The following PABPC4L variants were observed in gnomAD, a reference collection of about 807,000 sequenced individuals.
PABPC4L encodes polyadenylate-binding protein 4-like.
For synonymous variants in PABPC4L, 169 were observed against 164.1 expected, an observed-to-expected ratio of 1.03 and a Z score of -0.23; for missense variants, 452 against 451.4, an observed-to-expected ratio of 1.00 and a Z score of -0.01.
the PABPC4L span, among the ~76,000 whole-genome samples, chr4:134,012,975 G>C: frequency 6.6e-6 from 1 of 151,984 alleles, no homozygotes; most frequent in Non-Finnish European, 1.5e-5. Flanking sequence ...GCCTTCTCTT[G>C]GTGTTTAATC....
chr4:134,035,772 T>C, the PABPC4L span, among the ~76,000 whole-genome samples: 1 of 152,032 alleles, frequency 6.6e-6, no homozygotes, highest in South Asian at 2.1e-4. Flanking sequence ...TATTCCTATA[T>C]GATGGTTGAA....
At chr4:134,128,607 G>C in the PABPC4L span, among the ~76,000 whole-genome samples, 3 of 152,110 alleles carry the variant, frequency 2.0e-5, no homozygotes, top group Non-Finnish European at 4.4e-5. Context: ...AAAAAATGCT[G>C]AGGGAATTCA....
the PABPC4L span, among the ~76,000 whole-genome samples, chr4:133,983,918 T>G: frequency 2.6e-5 from 4 of 151,866 alleles, no homozygotes; most frequent in Non-Finnish European, 5.9e-5. Context: ...TCTTGAAATA[T>G]TGACTAATCA....
the PABPC4L span, among the ~76,000 whole-genome samples, chr4:133,991,022 A>G: frequency 6.6e-6 from 1 of 152,026 alleles, no homozygotes; most frequent in Non-Finnish European, 1.5e-5. Flanking sequence ...TTTGTTTTGC[A>G]TCAGGTTTTG....
At chr4:134,045,896 G>A in the PABPC4L span, among the ~76,000 whole-genome samples, 1 of 152,108 alleles carries the variant, frequency 6.6e-6, no homozygotes, top group Admixed American at 6.5e-5. Flanking sequence ...ATGTGTATCA[G>A]AAACATTAAT....
chr4:134,002,876 T>A, the PABPC4L span, among the ~76,000 whole-genome samples: 1 of 151,972 alleles, frequency 6.6e-6, no homozygotes, highest in African/African-American at 2.4e-5. Flanking sequence ...ACATTGTATC[T>A]TCTTCTGGGT....
At chr4:134,179,240 A>G in the PABPC4L span, among the ~76,000 whole-genome samples, 31 of 152,170 alleles carry the variant, frequency 2.0e-4, no homozygotes, top group South Asian at 6.0e-3. Flanking sequence ...CTGGGGGCCA[A>G]TATTCAGCAT....
chr4:134,072,926 A>T, the PABPC4L span, among the ~76,000 whole-genome samples: 3 of 152,094 alleles, frequency 2.0e-5, no homozygotes, highest in East Asian at 5.8e-4. Context: ...CCCATGATTC[A>T]ATTACCTCCC....
chr4:134,199,318 C>G lies in PABPC4L; in HGVS notation c.*589G>C, dbSNP rs1393551306. ...AAAACTTCCATCATCTTAATTTAAA[C>G]CATCCGAAAAACAAGCATGTCAGGA... On this transcript the variant is annotated 3_prime_UTR_variant, in exon 2 of 2. Transcript: ENST00000421491. The G allele has an allele frequency of 6.6e-6, 1 of 152,088 alleles. No individual in the cohort carries two copies. Among genetic ancestry groups the G allele is most frequent in the Non-Finnish European group, 1.5e-5 (1 of 67,974 alleles). 9.4% of individuals were successfully genotyped at this position (152,088 alleles called of 1,614,324 possible).
chr4:133,986,630 A>G, the PABPC4L span, among the ~76,000 whole-genome samples: 12 of 152,294 alleles, frequency 7.9e-5, no homozygotes, highest in African/African-American at 2.6e-4. Context: ...GTCATAAATT[A>G]AAAACTTGAA....
At chr4:134,175,493 G>T in the PABPC4L span, among the ~76,000 whole-genome samples, 5 of 151,890 alleles carry the variant, frequency 3.3e-5, no homozygotes, top group African/African-American at 1.2e-4. Context: ...CTGTCGCCCA[G>T]GCTGAATTGC....
chr4:134,096,354 T>C, the PABPC4L span, among the ~76,000 whole-genome samples: 1 of 151,972 alleles, frequency 6.6e-6, no homozygotes, highest in South Asian at 2.1e-4. Context: ...TAGTAGAACT[T>C]TTGCTTTGAT....
At chr4:134,140,056 A>C in the PABPC4L span, among the ~76,000 whole-genome samples, 1 of 151,980 alleles carries the variant, frequency 6.6e-6, no homozygotes, top group Non-Finnish European at 1.5e-5. Flanking sequence ...TCTGTAAGCT[A>C]TTTTGGTACT....
the PABPC4L span, among the ~76,000 whole-genome samples, chr4:134,030,859 A>C: frequency 6.6e-6 from 1 of 152,072 alleles, no homozygotes; most frequent in South Asian, 2.1e-4. Flanking sequence ...ATGAATCCAA[A>C]TGTGGGTAAA....
chr4:134,064,344 C>A, the PABPC4L span, among the ~76,000 whole-genome samples: 1 of 151,902 alleles, frequency 6.6e-6, no homozygotes, highest in Non-Finnish European at 1.5e-5. Context: ...TTATTAAAAT[C>A]TTGATTTTTA....
the PABPC4L span, among the ~76,000 whole-genome samples, chr4:133,980,456 T>G: frequency 6.6e-6 from 1 of 152,282 alleles, no homozygotes; most frequent in South Asian, 2.1e-4. Context: ...TACTTTTTGT[T>G]TGTTTAGTAT....
the PABPC4L span, among the ~76,000 whole-genome samples, chr4:134,180,355 A>T: frequency 1.3e-5 from 2 of 152,062 alleles, no homozygotes; most frequent in East Asian, 1.9e-4. Context: ...AAAAAAAAAT[A>T]CAACACACCA....
At chr4:134,165,658 GA>G in the PABPC4L span, among the ~76,000 whole-genome samples, 1 of 152,274 alleles carries the variant, frequency 6.6e-6, no homozygotes, top group South Asian at 2.1e-4. Flanking sequence ...TGGATGTGGT[GA>G]AAAGAGAACT....
At chr4:134,110,562 TGTG>T in the PABPC4L span, among the ~76,000 whole-genome samples, 3 of 226 alleles carry the variant, frequency 0.013, no homozygotes, top group Non-Finnish European at 0.024. Context: ...CTCTGTCTTG[TGTG>T]TGTGTGTGTG....
Sources: allele counts gnomAD v4.1 joint callset (sites outside exome capture counted in the v4.1 genomes callset), GRCh38; gene constraint gnomAD v4.1.1; transcripts MANE v1.5; gene names NCBI Gene and HGNC (gene_info 2026-07-23, HGNC 2026-07-21).